Variants in DNASE1 observed in about 807,000 individuals in gnomAD.
DNASE1 encodes the protein deoxyribonuclease-1.
DNASE1 carries 40 observed loss-of-function variants against 33.9 expected under a neutral mutation model. The ratio of observed to expected loss-of-function variants is 1.18; its 90% CI spans 0.92 to 1.54. The LOEUF (loss-of-function observed/expected upper bound fraction) is 1.54. Among genes scored for constraint, DNASE1 ranks in the 40% most tolerant of loss-of-function variants. The pLI, the probability that DNASE1 is intolerant of heterozygous loss-of-function variation, is 0.00. For synonymous variants in DNASE1, 216 were observed against 160.0 expected (o/e 1.35, Z -2.64); for missense variants, 518 against 372.6 (o/e 1.39, Z -3.21).
At chr16:3,646,792 G>A (rs1329948802) in intron 1 of DNASE1, among the ~76,000 whole-genome samples, 1 of 152,170 alleles carries the variant, frequency 6.6e-6, no homozygotes, top group Non-Finnish European at 1.5e-5. Context: ...GATGACGGGT[G>A]GTATGGAGGC....
exon 10 of DNASE1, chr16:3,663,341 C>T: frequency 6.4e-7 from 1 of 1,571,124 alleles, no homozygotes; most frequent in South Asian, 1.2e-5. Flanking sequence ...GACGAAAACC[C>T]AAAGGAAGCC....
At chr16:3,640,102 A>C (rs2041990016), upstream of DNASE1, among the ~76,000 whole-genome samples, 1 of 152,170 alleles carries the variant, frequency 6.6e-6, no homozygotes, top group Non-Finnish European at 1.5e-5. Context: ...GAGTCTACCC[A>C]ATACCCCACG....
At chr16:3,656,577 G>A in intron 4 of DNASE1, 61 bp from the exon 5 acceptor site, 2 of 1,445,968 alleles carry the variant, frequency 1.4e-6, no homozygotes, top group Non-Finnish European at 1.9e-6. Context: ...TGCCTCCTGG[G>A]AAGCAGGAGT....
chr16:3,639,749 CTGAATATTG>C (rs1237123965), upstream of DNASE1, among the ~76,000 whole-genome samples: 1 of 152,158 alleles, frequency 6.6e-6, no homozygotes, highest in Non-Finnish European at 1.5e-5. Flanking sequence ...AAATTGGATG[CTGAATATTG>C]TGAATTTCAA....
chr16:3,640,040 CT>C (rs935190641), upstream of DNASE1, among the ~76,000 whole-genome samples: 5 of 152,216 alleles, frequency 3.3e-5, no homozygotes, highest in Admixed American at 6.5e-5. Context: ...TCCAGTGCTG[CT>C]TTAGTCTGCA....
At position 3,656,809 on chromosome 16, in the gene DNASE1, C is replaced by A. The variant is rs1419132405; in HGVS notation, c.436+56C>A. The stretch of plus-strand genomic sequence containing the variant: ...GGCTTGGCGCTTATGGCCTCCACCC[C>A]CTCCTAGGGAACCTGGAATGCCTGT... On this transcript the variant is annotated intron_variant, in intron 5 of 8. Transcript: ENST00000246949. The A allele has an allele frequency of 4.5e-6, 7 of 1,551,508 alleles. No individual in the cohort carries two copies. In the East Asian group the frequency reaches 7.3e-5, roughly 16 times the overall value.
chr16:3,625,393 A>G (rs570631725), intron 1 of DNASE1, among the ~76,000 whole-genome samples: 1 of 152,240 alleles, frequency 6.6e-6, no homozygotes, highest in South Asian at 2.1e-4. Flanking sequence ...CTGAGAAGGG[A>G]GAATTGCCTG....
intron 1 of DNASE1, among the ~76,000 whole-genome samples, chr16:3,646,043 G>C: frequency 6.6e-6 from 1 of 152,114 alleles, no homozygotes; most frequent in Middle Eastern, 3.4e-3. Flanking sequence ...AAAGAACCCC[G>C]AGTAGAGCCA....
intron 1 of DNASE1, among the ~76,000 whole-genome samples, chr16:3,615,901 A>T (rs1053100657): frequency 2.6e-5 from 4 of 152,192 alleles, no homozygotes; most frequent in Admixed American, 6.5e-5. Flanking sequence ...CTGTGGTTTG[A>T]TTATAAATGG....
Position 3,657,705 on chromosome 16 carries a change from C to CCCAACACCCATCAGGATCGTGGTTGCAG in DNASE1, c.705-14_718dup, listed in dbSNP as rs2042778858. 1 of 1,613,686 alleles carries CCCAACACCCATCAGGATCGTGGTTGCAG rather than the reference C, an allele frequency of 6.2e-7. No homozygotes were observed. The highest frequency in any genetic ancestry group is 1.3e-5 in the African/African-American group (1 of 74,922). On this transcript the variant is annotated splice_polypyrimidine_tract_variant and intron_variant, in intron 7 of 8. Transcript: ENST00000246949. ...GTGAAAGGGGAACCTACTTTCTCTT[C>CCCAACACCCATCAGGATCGTGGTTGCAG]CCAACACCCATCAGGATCGTGGTTG...
intron 3 of DNASE1, 72 bp downstream of exon 3, chr16:3,656,009 C>A: frequency 6.2e-7 from 1 of 1,612,060 alleles, no homozygotes; most frequent in South Asian, 1.1e-5. Context: ...ACTTGGGCCC[C>A]AAGGGTGGGG....
At chr16:3,633,995 A>G (rs1304737473) in intron 1 of DNASE1, among the ~76,000 whole-genome samples, 1 of 151,420 alleles carries the variant, frequency 6.6e-6, no homozygotes, top group African/African-American at 2.4e-5. Context: ...TATTTTTAGT[A>G]GAGGCGGGGT....
chr16:3,636,883 G>C (rs2041884086), intron 1 of DNASE1, among the ~76,000 whole-genome samples: 1 of 152,032 alleles, frequency 6.6e-6, no homozygotes, highest in African/African-American at 2.4e-5. Context: ...CAGCACTTCG[G>C]GAGGCCAACG....
rs757689931 is a variant in DNASE1, at chr16:3,655,565, G to A, written c.147+45G>A. On this transcript the variant is annotated intron_variant, in intron 2 of 8. Coordinates refer to ENST00000246949, the MANE Select transcript of DNASE1 (RefSeq NM_005223.4). Reference sequence around the variant, plus strand: ...CCCCCAAAAGCAGAGGAGCTCTGGAGTCTAGGGCTGGTGGGCAGGGCCAGC... The same window carrying A: ...CCCCCAAAAGCAGAGGAGCTCTGGAATCTAGGGCTGGTGGGCAGGGCCAGC... 5.6e-6 allele frequency: 9 copies of A among 1,613,000 alleles called. No individual in the cohort carries two copies. In the South Asian group the frequency reaches 6.6e-5, roughly 12 times the overall value.
exon 10 of DNASE1, chr16:3,664,585 G>T (rs551863475): frequency 7.9e-5 from 77 of 980,444 alleles, no homozygotes; most frequent in Non-Finnish European, 1.1e-4. Context: ...TGACCCGAGG[G>T]ACGGTAGTGG....
upstream of DNASE1, among the ~76,000 whole-genome samples, chr16:3,638,372 C>G (rs1020972906): frequency 2.0e-5 from 3 of 152,116 alleles, no homozygotes; most frequent in Non-Finnish European, 1.5e-5. Flanking sequence ...GAGTCTCGCT[C>G]CATTGCCCAG....
chr16:3,642,499 C>T (rs1205931470), upstream of DNASE1, among the ~76,000 whole-genome samples: 1 of 152,128 alleles, frequency 6.6e-6, no homozygotes, highest in African/African-American at 2.4e-5. Context: ...GGCTCCAGAG[C>T]AGAAGGCCCC....
chr16:3,634,472 C>G (rs1202320328), intron 1 of DNASE1, among the ~76,000 whole-genome samples: 2 of 151,954 alleles, frequency 1.3e-5, no homozygotes, highest in African/African-American at 4.8e-5. Context: ...TCGTGATCTG[C>G]CCACCTCGGC....
downstream of DNASE1, chr16:3,663,053 C>T: frequency 9.8e-7 from 1 of 1,024,932 alleles, no homozygotes; most frequent in Non-Finnish European, 1.4e-6. Flanking sequence ...CTTCCAGCTC[C>T]CACCTCCTCT....
Sources: gnomAD v4.1 joint callset for allele counts (sites outside exome capture counted in the v4.1 genomes callset) on GRCh38, gnomAD v4.1.1 for gene constraint, MANE v1.5 for transcripts, NCBI Gene and HGNC (gene_info 2026-07-23, HGNC 2026-07-21) for gene names.